The following TMC1 variants were observed in gnomAD, a reference collection of about 807,000 sequenced individuals.
TMC1 encodes transmembrane channel like 1.
In TMC1, 84 loss-of-function variants were observed where a neutral mutation model predicts 105.8. The ratio of observed to expected loss-of-function variants is 0.79; its 90% CI spans 0.67 to 0.95. The LOEUF (loss-of-function observed/expected upper bound fraction) is 0.95. Ranked by LOEUF, TMC1 falls within the 40% of genes least tolerant of loss-of-function variation. TMC1 has a pLI of 0.00. For synonymous variants in TMC1, 315 were observed against 311.5 expected (o/e 1.01, Z -0.12); for missense variants, 817 against 914.1 (o/e 0.89, Z 1.37).
intron 8 of TMC1, among the ~76,000 whole-genome samples, chr9:72,707,077 A>G (rs574032907): frequency 6.6e-6 from 1 of 152,278 alleles, no homozygotes; most frequent in South Asian, 2.1e-4. Context: ...GCCAGGCCCA[A>G]ATGCCAATAT....
At chr9:72,522,245 G>A (rs1158000579) in intron 1 of TMC1, among the ~76,000 whole-genome samples, 1 of 151,272 alleles carries the variant, frequency 6.6e-6, no homozygotes, top group Non-Finnish European at 1.5e-5. Context: ...GGGACTACAG[G>A]CGCCCGCCAT....
chr9:72,642,987 T>C (rs1825651945), intron 4 of TMC1, among the ~76,000 whole-genome samples: 1 of 152,230 alleles, frequency 6.6e-6, no homozygotes, highest in Admixed American at 6.5e-5. Context: ...GGAACACTAC[T>C]GTATGTAGCC....
chr9:72,777,786 A>C (rs1828029145), intron 13 of TMC1, among the ~76,000 whole-genome samples: 2 of 152,252 alleles, frequency 1.3e-5, no homozygotes, highest in South Asian at 4.1e-4. Flanking sequence ...AACCTATCAT[A>C]ATGACAAAGA....
chr9:72,655,987 G>C (rs950391880), intron 5 of TMC1: 7 of 779,532 alleles, frequency 9.0e-6, no homozygotes, highest in East Asian at 7.3e-5. Context: ...TCACCACATG[G>C]AGTTTTTTCT....
intron 4 of TMC1, among the ~76,000 whole-genome samples, chr9:72,632,303 G>C (rs1211817256): frequency 6.6e-6 from 1 of 152,144 alleles, no homozygotes; most frequent in Admixed American, 6.5e-5. Context: ...ACATTCATGA[G>C]GAATCTGACC....
chr9:72,659,278 C>A (rs1414328927), intron 5 of TMC1, among the ~76,000 whole-genome samples: 1 of 152,170 alleles, frequency 6.6e-6, no homozygotes, highest in Admixed American at 6.5e-5. Flanking sequence ...AACAAGAAAG[C>A]TACAGGATCT....
At chr9:72,544,011 G>C (rs1305707791) in intron 1 of TMC1, among the ~76,000 whole-genome samples, 1 of 148,284 alleles carries the variant, frequency 6.7e-6, no homozygotes, top group Non-Finnish European at 1.5e-5. Flanking sequence ...GAGTGCAGTG[G>C]CGTGATCTTG....
intron 8 of TMC1, among the ~76,000 whole-genome samples, chr9:72,737,411 C>T (rs975740056): frequency 7.9e-5 from 12 of 152,152 alleles, no homozygotes; most frequent in Admixed American, 1.3e-4. Flanking sequence ...AGCAGGGGTG[C>T]GATTGCCTGA....
In TMC1 at chr9:72,806,888, G is replaced by A. The variant is rs532983444; in HGVS notation, c.1695+1378G>A. Among the ~76,000 whole-genome samples, 7 of 152,322 alleles carry A rather than the reference G, an allele frequency of 4.6e-5. No homozygotes were observed. The South Asian group carries it at 6.2e-4, about 14-fold the overall frequency. ...GCAGCCGAGCAGAGGCTGCAATCTC[G>A]GCACTTTGGGAGGCCAAGGCAGGCG... On this transcript the variant is annotated intron_variant, in intron 18 of 23. Coordinates refer to ENST00000297784, the MANE Select transcript of TMC1 (RefSeq NM_138691.3).
chr9:72,789,641 G>C (rs889164491), intron 15 of TMC1, among the ~76,000 whole-genome samples: 1 of 152,206 alleles, frequency 6.6e-6, no homozygotes, highest in Non-Finnish European at 1.5e-5. Context: ...ACAGAGTTAG[G>C]AGAAGAGTCA....
intron 5 of TMC1, among the ~76,000 whole-genome samples, chr9:72,683,081 A>G (rs1405036562): frequency 6.6e-6 from 1 of 152,186 alleles, no homozygotes; most frequent in South Asian, 2.1e-4. Context: ...CTCTTCCAAC[A>G]CTGGGGATTA....
intron 5 of TMC1, chr9:72,655,758 T>C: frequency 1.9e-6 from 1 of 515,790 alleles, no homozygotes; most frequent in Non-Finnish European, 3.5e-6. Flanking sequence ...AAAAAATCAT[T>C]CAAAAGATTA....
intron 12 of TMC1, among the ~76,000 whole-genome samples, chr9:72,760,862 C>G (rs539913058): frequency 4.6e-5 from 7 of 152,070 alleles, no homozygotes; most frequent in Non-Finnish European, 8.8e-5. Context: ...CATCTGGGAA[C>G]CTTGGAACCT....
At chr9:72,620,280 T>C (rs1183924466) in intron 3 of TMC1, among the ~76,000 whole-genome samples, 1 of 152,176 alleles carries the variant, frequency 6.6e-6, no homozygotes, top group Non-Finnish European at 1.5e-5. Flanking sequence ...CTGGCTCTGT[T>C]GCCCAGACGG....
intron 3 of TMC1, among the ~76,000 whole-genome samples, chr9:72,626,528 A>G (rs1321110754): frequency 6.6e-6 from 1 of 152,244 alleles, no homozygotes; most frequent in Non-Finnish European, 1.5e-5. Flanking sequence ...GAAGAAATAA[A>G]GAAACATTTG....
chr9:72,740,049 C>T (rs1827361506), intron 8 of TMC1, 70 bp from the exon 9 acceptor site: 9 of 1,189,390 alleles, frequency 7.6e-6, no homozygotes, highest in South Asian at 1.2e-5. Context: ...ATTCAAATGT[C>T]CACTACTTCT....
intron 2 of TMC1, among the ~76,000 whole-genome samples, chr9:72,594,994 T>G (rs1824695921): frequency 6.6e-6 from 1 of 151,962 alleles, no homozygotes; most frequent in Non-Finnish European, 1.5e-5. Context: ...GCCTTCCGAG[T>G]AGGTGGTACT....
chr9:72,800,392 C>G (rs1828449875), intron 17 of TMC1, among the ~76,000 whole-genome samples: 1 of 152,160 alleles, frequency 6.6e-6, no homozygotes, highest in South Asian at 2.1e-4. Flanking sequence ...GCTAAGAAAC[C>G]TGCACTTTAA....
intron 8 of TMC1, among the ~76,000 whole-genome samples, chr9:72,724,620 G>A (rs997630775): frequency 1.3e-5 from 2 of 152,016 alleles, no homozygotes; most frequent in African/African-American, 4.8e-5. Flanking sequence ...AATTTCTGAA[G>A]TTCTTTTTAG....
Sources: gnomAD v4.1 joint callset for allele counts (sites outside exome capture counted in the v4.1 genomes callset) on GRCh38, gnomAD v4.1.1 for gene constraint, MANE v1.5 for transcripts, NCBI Gene and HGNC (gene_info 2026-07-23, HGNC 2026-07-21) for gene names.